Variants in SOX6 observed in about 807,000 individuals in gnomAD.
SOX6 encodes transcription factor SOX-6.
A neutral mutation model predicts 97.8 loss-of-function variants in SOX6; 11 were observed. The observed-to-expected ratio is 0.11, with a 90% CI of 0.07 to 0.19. The LOEUF (loss-of-function observed/expected upper bound fraction) is 0.19, where lower values mean the gene tolerates loss of function less well. Ranked by LOEUF, SOX6 falls within the 10% of genes least tolerant of loss-of-function variation. The pLI is 1.00. For missense variants in SOX6, 810 were observed against 1,039.5 expected, an observed-to-expected ratio of 0.78 and a Z score of 3.04; for synonymous variants, 360 against 371.4, an observed-to-expected ratio of 0.97 and a Z score of 0.35.
chr11:16,454,355 C>T (rs562898320), intron 1 of SOX6, among the ~76,000 whole-genome samples: 5 of 152,118 alleles, frequency 3.3e-5, no homozygotes, highest in African/African-American at 1.2e-4. Context: ...ACTCCTTCTT[C>T]CAAAATAAAG....
chr11:16,583,583 ATATATATATG>A (rs912691023), intron 4 of SOX6, among the ~76,000 whole-genome samples: 2 of 111,818 alleles, frequency 1.8e-5, no homozygotes, highest in African/African-American at 7.0e-5. Context: ...CATTGTGTAT[ATATATATATG>A]TATATATGTG....
At chr11:16,424,283 G>T (rs1028404544) in intron 1 of SOX6, among the ~76,000 whole-genome samples, 2 of 152,206 alleles carry the variant, frequency 1.3e-5, no homozygotes, top group African/African-American at 4.8e-5. Context: ...GTGCACATAG[G>T]TTGTAATAAT....
Position 15,967,965 on chromosome 11 carries a change from A to C in SOX6, c.*4844T>G, listed in dbSNP as rs911091369. 6.7e-6 allele frequency: 1 copy of C among 149,796 alleles called. No individual in the cohort carries two copies. The highest frequency in any genetic ancestry group is 1.5e-5 in the Non-Finnish European group (1 of 67,628). 9.3% of individuals were successfully genotyped at this position (149,796 alleles called of 1,614,324 possible). On this transcript the variant is annotated 3_prime_UTR_variant, in exon 16 of 16. Coordinates refer to ENST00000683767, the MANE Select transcript of SOX6 (RefSeq NM_001367873.1). Reference sequence around the variant, plus strand: ...ATTTGTTCATGAGCTTTTGGAAAGCAATCTGTCCCCAAAGGGAAAGATAGA... The same window carrying C: ...ATTTGTTCATGAGCTTTTGGAAAGCCATCTGTCCCCAAAGGGAAAGATAGA...
intron 1 of SOX6, among the ~76,000 whole-genome samples, chr11:16,736,845 G>A (rs1438327417): frequency 6.6e-6 from 1 of 151,722 alleles, no homozygotes; most frequent in African/African-American, 2.4e-5. Context: ...TTTTTCTCTT[G>A]GGTTTACTCT....
At chr11:16,433,168 T>C (rs1859302139) in intron 1 of SOX6, among the ~76,000 whole-genome samples, 1 of 152,064 alleles carries the variant, frequency 6.6e-6, no homozygotes, top group South Asian at 2.1e-4. Flanking sequence ...AGAGAGGTAA[T>C]ATTCTTGTCC....
At chr11:16,390,358 C>T (rs965474299) in intron 1 of SOX6, among the ~76,000 whole-genome samples, 2 of 152,128 alleles carry the variant, frequency 1.3e-5, no homozygotes, top group African/African-American at 4.8e-5. Context: ...AGCTCATTCT[C>T]CTCTCAAGAT....
chr11:16,426,764 A>G (rs1309422668), intron 1 of SOX6, among the ~76,000 whole-genome samples: 1 of 151,292 alleles, frequency 6.6e-6, no homozygotes, highest in Non-Finnish European at 1.5e-5. Flanking sequence ...AATACAAAAA[A>G]TTAGCCGGGC....
At chr11:16,251,361 AC>A (rs1256739320) in intron 3 of SOX6, among the ~76,000 whole-genome samples, 1 of 152,126 alleles carries the variant, frequency 6.6e-6, no homozygotes, top group Non-Finnish European at 1.5e-5. Flanking sequence ...AAATTAATAA[AC>A]TTTTAGGAAG....
At chr11:16,339,815 GA>G (rs1157581752) in intron 2 of SOX6, among the ~76,000 whole-genome samples, 1 of 152,038 alleles carries the variant, frequency 6.6e-6, no homozygotes, top group Admixed American at 6.6e-5. Flanking sequence ...AAGTGGCAGT[GA>G]CTGGATATCT....
intron 2 of SOX6, among the ~76,000 whole-genome samples, chr11:16,722,801 G>A (rs1054483210): frequency 6.6e-6 from 1 of 152,168 alleles, no homozygotes; most frequent in African/African-American, 2.4e-5. Context: ...CAGTCAAAAT[G>A]GCTGTTATTA....
rs551183492 is a variant in SOX6, at chr11:16,504,784, T to TA, written n.610-28397dup. ...AGATGTCCCCATGCTGTTCTTGTAA[T>TA]AGAGTTCTCCCCAGATCTACTTGTT... On this transcript the variant is annotated intron_variant and non_coding_transcript_variant, in intron 4 of 5. Transcript: ENST00000524520. Among the ~76,000 whole-genome samples the TA allele has an allele frequency of 1.5e-3, 225 of 152,154 alleles. 2 individuals are homozygous for TA. The highest frequency in any genetic ancestry group is 3.4e-3 in the Middle Eastern group (1 of 294).
chr11:16,339,302 G>C (rs1414031553), intron 2 of SOX6, among the ~76,000 whole-genome samples: 6 of 151,984 alleles, frequency 3.9e-5, no homozygotes, highest in Non-Finnish European at 5.9e-5. Context: ...GGTCCTGTTT[G>C]ATATAGCCCC....
intron 1 of SOX6, among the ~76,000 whole-genome samples, chr11:16,367,447 T>G (rs144937760): frequency 1.3e-5 from 2 of 152,258 alleles, no homozygotes; most frequent in East Asian, 3.9e-4. Flanking sequence ...GCCCAAGTCA[T>G]TCACAAAGTT....
chr11:16,221,026 G>T (rs1305429967), intron 4 of SOX6, among the ~76,000 whole-genome samples: 1 of 151,928 alleles, frequency 6.6e-6, no homozygotes, highest in African/African-American at 2.4e-5. Context: ...TTAACTTATT[G>T]TCAAGGTAAT....
intron 4 of SOX6, among the ~76,000 whole-genome samples, chr11:16,223,854 T>C (rs1201588539): frequency 6.6e-6 from 1 of 152,176 alleles, no homozygotes; most frequent in African/African-American, 2.4e-5. Flanking sequence ...ATGTTAGCTA[T>C]GTTTATTTTC....
intron 4 of SOX6, among the ~76,000 whole-genome samples, chr11:16,531,395 A>G (rs1230668252): frequency 6.6e-6 from 1 of 151,926 alleles, no homozygotes. Flanking sequence ...TAATAAAAAA[A>G]GAATATAATT....
chr11:16,477,207 A>T (rs1044283911), upstream of SOX6, among the ~76,000 whole-genome samples: 2 of 152,212 alleles, frequency 1.3e-5, no homozygotes, highest in African/African-American at 4.8e-5. Context: ...AACTAAAAAT[A>T]ATAATAGAGC....
At chr11:16,228,975 T>C (rs1852766561) in intron 4 of SOX6, among the ~76,000 whole-genome samples, 1 of 152,122 alleles carries the variant, frequency 6.6e-6, no homozygotes, top group African/African-American at 2.4e-5. Context: ...AAAGGGAAAA[T>C]AATAATCTAT....
intron 4 of SOX6, among the ~76,000 whole-genome samples, chr11:16,519,348 C>G (rs1861020521): frequency 1.3e-5 from 2 of 152,130 alleles, no homozygotes; most frequent in Non-Finnish European, 1.5e-5. Flanking sequence ...TTGCCTCTCT[C>G]CAACCCTCTC....
Sources: gnomAD v4.1 joint callset for allele counts (sites outside exome capture counted in the v4.1 genomes callset) on GRCh38, gnomAD v4.1.1 for gene constraint, MANE v1.5 for transcripts, NCBI Gene and HGNC (gene_info 2026-07-23, HGNC 2026-07-21) for gene names.